ABHD18: variants seen among roughly 807,000 people sequenced by gnomAD.
ABHD18 encodes the protein cardiolipin-specific deacylase, mitochondrial.
A neutral mutation model predicts 65.9 loss-of-function variants in ABHD18; 55 were observed. That is an observed-to-expected ratio of 0.84 (90% CI 0.67 to 1.05). The LOEUF (loss-of-function observed/expected upper bound fraction) is 1.05. Among genes scored for constraint, ABHD18 ranks in the 50% least tolerant of loss-of-function variants. The pLI, the probability that ABHD18 is intolerant of heterozygous loss-of-function variation, is 0.00. For missense variants in ABHD18, 533 were observed against 558.5 expected, an observed-to-expected ratio of 0.95 and a Z score of 0.46; for synonymous variants, 181 against 180.2, an observed-to-expected ratio of 1.00 and a Z score of -0.04.
At chr4:128,023,805 A>G (rs1443926139) in intron 10 of ABHD18, among the ~76,000 whole-genome samples, 2 of 152,114 alleles carry the variant, frequency 1.3e-5, no homozygotes, top group African/African-American at 4.8e-5. Flanking sequence ...AATGGCGTGA[A>G]CCCAGAAGGC....
chr4:128,000,980 T>A (rs1752547906), intron 4 of ABHD18, among the ~76,000 whole-genome samples: 1 of 152,170 alleles, frequency 6.6e-6, no homozygotes, highest in Admixed American at 6.6e-5. Context: ...GTTTTATACA[T>A]TAATTTTCTA....
At chr4:127,979,157 T>C (rs1184334453) in intron 1 of ABHD18, among the ~76,000 whole-genome samples, 1 of 152,176 alleles carries the variant, frequency 6.6e-6, no homozygotes, top group Non-Finnish European at 1.5e-5. Flanking sequence ...AAAGATGAGG[T>C]GGATCTGTAT....
chr4:127,995,629 G>T (rs1751611716), intron 4 of ABHD18, among the ~76,000 whole-genome samples: 2 of 152,034 alleles, frequency 1.3e-5, no homozygotes, highest in South Asian at 4.1e-4. Flanking sequence ...ACTTTATTTT[G>T]ATGGTTTTAA....
chr4:128,035,213 A>G (rs1283175044), intron 12 of ABHD18, among the ~76,000 whole-genome samples: 2 of 152,080 alleles, frequency 1.3e-5, no homozygotes, highest in Non-Finnish European at 2.9e-5. Flanking sequence ...GCGTGCGTGT[A>G]TGTATGAATA....
chr4:128,011,946 G>C (rs1381240936), intron 7 of ABHD18, among the ~76,000 whole-genome samples: 1 of 151,452 alleles, frequency 6.6e-6, no homozygotes, highest in Non-Finnish European at 1.5e-5. Flanking sequence ...ATATAGTTTA[G>C]TTGTGAAACT....
chr4:127,966,459 A>G (rs1402103485), intron 1 of ABHD18, among the ~76,000 whole-genome samples: 1 of 152,052 alleles, frequency 6.6e-6, no homozygotes, highest in Non-Finnish European at 1.5e-5. Flanking sequence ...TAGGTCCTAT[A>G]CTAGTTACAC....
intron 3 of ABHD18, among the ~76,000 whole-genome samples, chr4:127,985,327 G>A (rs1749759410): frequency 6.6e-6 from 1 of 152,022 alleles, no homozygotes; most frequent in South Asian, 2.1e-4. Flanking sequence ...AAATGGGCAA[G>A]TTTCACACAT....
At chr4:128,031,028 G>A (rs1408453681) in intron 12 of ABHD18, 1 of 1,013,116 alleles carries the variant, frequency 9.9e-7, no homozygotes, top group African/African-American at 1.7e-5. Context: ...TGTTTTTTCA[G>A]AATGGCCTGA....
At chr4:127,993,170 A>G (rs776134907) in intron 4 of ABHD18, among the ~76,000 whole-genome samples, 1 of 152,198 alleles carries the variant, frequency 6.6e-6, no homozygotes, top group Admixed American at 6.5e-5. Context: ...CAGTTTCTGT[A>G]TATCATCACT....
In ABHD18 at chr4:127,989,825, A is replaced by T; in HGVS notation, c.278+4A>T. ...CAATTGAATCTGTTATTGCAAGGTA[A>T]GAATTTTTTTGTTCAAAAAGATGAA... On this transcript the variant is annotated splice_donor_region_variant and intron_variant, in intron 4 of 12. Coordinates refer to ENST00000645843, the MANE Select transcript of ABHD18 (RefSeq NM_001358451.3). The T allele has an allele frequency of 6.5e-7, 1 of 1,537,942 alleles. No individual in the cohort carries two copies. Among genetic ancestry groups the T allele is most frequent in the Non-Finnish European group, 8.8e-7 (1 of 1,139,834 alleles).
intron 2 of ABHD18, among the ~76,000 whole-genome samples, chr4:127,983,965 G>A (rs552519422): frequency 6.6e-6 from 1 of 152,274 alleles, no homozygotes; most frequent in South Asian, 2.1e-4. Context: ...CTTGAACCCG[G>A]GAGGCAGAGG....
At chr4:127,972,026 T>C (rs1332419598) in intron 1 of ABHD18, among the ~76,000 whole-genome samples, 1 of 152,154 alleles carries the variant, frequency 6.6e-6, no homozygotes, top group Non-Finnish European at 1.5e-5. Flanking sequence ...CTGAGAGCCC[T>C]GTGGGTCTAT....
intron 4 of ABHD18, among the ~76,000 whole-genome samples, chr4:128,001,396 A>G (rs190990282): frequency 3.7e-4 from 57 of 152,336 alleles, no homozygotes; most frequent in African/African-American, 1.4e-3. Flanking sequence ...TGAGATGATC[A>G]TGTGGTTTTT....
At chr4:128,015,131 G>A (rs979631332) in intron 7 of ABHD18, among the ~76,000 whole-genome samples, 2 of 151,774 alleles carry the variant, frequency 1.3e-5, no homozygotes, top group African/African-American at 4.8e-5. Context: ...TGTAGTCCCA[G>A]GTACTCAGGA....
chr4:127,994,939 G>A (rs572252842), intron 4 of ABHD18, among the ~76,000 whole-genome samples: 1 of 152,100 alleles, frequency 6.6e-6, no homozygotes, highest in African/African-American at 2.4e-5. Flanking sequence ...GAGTGCAGTG[G>A]CGCGATCTTG....
chr4:127,997,758 C>T (rs1353833566), intron 4 of ABHD18, among the ~76,000 whole-genome samples: 1 of 152,190 alleles, frequency 6.6e-6, no homozygotes, highest in African/African-American at 2.4e-5. Context: ...TCATTTCTTA[C>T]TAGCTCTCAT....
Position 128,029,216 on chromosome 4 carries a change from A to T in ABHD18, c.1180+363A>T, listed in dbSNP as rs111600542. On this transcript the variant is annotated intron_variant, in intron 11 of 12. Transcript: ENST00000645843. Reference sequence around the variant, plus strand: ...AAAAAAAAAATACAAAAAAGTAGTCATGTGTGGTGTTGCAAGCCTGTAGTT... The same window carrying T: ...AAAAAAAAAATACAAAAAAGTAGTCTTGTGTGGTGTTGCAAGCCTGTAGTT... 2.4e-3 allele frequency among the ~76,000 whole-genome samples: 357 copies of T among 151,816 alleles called. 3 individuals are homozygous for T. Among genetic ancestry groups the T allele is most frequent in the African/African-American group, 8.0e-3 (333 of 41,430 alleles).
intron 12 of ABHD18, among the ~76,000 whole-genome samples, chr4:128,032,078 C>G (rs561409414): frequency 6.6e-6 from 1 of 151,954 alleles, no homozygotes; most frequent in Non-Finnish European, 1.5e-5. Flanking sequence ...ATAGCTAAGA[C>G]GTATTAGGAA....
In ABHD18 at chr4:127,972,037, A is replaced by G. The variant is rs76719204; in HGVS notation, c.-18+6431A>G. Among the ~76,000 whole-genome samples, 783 of 152,180 alleles carry G rather than the reference A, an allele frequency of 5.1e-3. 8 individuals are homozygous for G. Among genetic ancestry groups the G allele is most frequent in the African/African-American group, 0.018 (756 of 41,514 alleles). On this transcript the variant is annotated intron_variant, in intron 1 of 12. Coordinates refer to ENST00000645843, the MANE Select transcript of ABHD18 (RefSeq NM_001358451.3). ...GCTCCTGAGAGCCCTGTGGGTCTATAATTTGCTAGAATGACTCAGAACTCA... is the reference window on the plus strand; with the variant it reads ...GCTCCTGAGAGCCCTGTGGGTCTATGATTTGCTAGAATGACTCAGAACTCA...
Sources: allele counts gnomAD v4.1 joint callset (sites outside exome capture counted in the v4.1 genomes callset), GRCh38; gene constraint gnomAD v4.1.1; transcripts MANE v1.5; gene names NCBI Gene and HGNC (gene_info 2026-07-23, HGNC 2026-07-21).